The following NBPF20 variants were observed in gnomAD, a reference collection of about 807,000 sequenced individuals.
NBPF20 encodes the protein NBPF member 20.
NBPF20 carries 90 observed loss-of-function variants against 68.1 expected under a neutral mutation model. The ratio of observed to expected loss-of-function variants is 1.32; its 90% CI spans 1.11 to 1.58. The LOEUF is 1.58. Ranked by LOEUF, NBPF20 falls within the 40% of genes most tolerant of loss-of-function variation. The pLI, the probability that NBPF20 is intolerant of heterozygous loss-of-function variation, is 0.00. For synonymous variants in NBPF20, 290 were observed against 228.1 expected, an observed-to-expected ratio of 1.27 and a Z score of -2.45; for missense variants, 816 against 601.2, an observed-to-expected ratio of 1.36 and a Z score of -3.74.
chr1:145,405,174 C>T (rs1553666814), exon 2 of NBPF20: 1 of 1,613,412 alleles, frequency 6.2e-7, no homozygotes, highest in Non-Finnish European at 8.5e-7. Flanking sequence ...TTCCGAACTG[C>T]TGTTTGTTCT....
At chr1:145,403,001 A>G (rs1190600708) in intron 3 of NBPF20, among the ~76,000 whole-genome samples, 5 of 151,854 alleles carry the variant, frequency 3.3e-5, no homozygotes, top group Non-Finnish European at 5.9e-5. Context: ...TACTTGTTTG[A>G]AAAAGAGAAA....
At chr1:145,425,254 G>T in the NBPF20 span, among the ~76,000 whole-genome samples, 1 of 64,830 alleles carries the variant, frequency 1.5e-5, no homozygotes, top group Non-Finnish European at 2.9e-5. Flanking sequence ...CTCGCCCTCC[G>T]TCGCTCGCAA....
In NBPF20 at chr1:145,402,153, T is replaced by A; in HGVS notation, c.493+14A>T. The A allele has an allele frequency of 1.4e-6, 2 of 1,442,250 alleles. No homozygotes were observed. Among genetic ancestry groups the A allele is most frequent in the South Asian group, 2.3e-5 (2 of 87,780 alleles). The allele number at this position is 1,442,250 out of a possible 1,614,324, so 89.3% of individuals were successfully genotyped here. On this transcript the variant is annotated intron_variant, in intron 4 of 137. Transcript: ENST00000369373. ...CCTGGGATTTTGGGTCATCAGGGCC[T>A]ATGGCCACCTTACCTGGGCTGAGCT...
At chr1:145,341,490 C>T (rs1450921370) in intron 75 of NBPF20, 74 bp downstream of exon 80, 2 of 7,458 alleles carry the variant, frequency 2.7e-4, no homozygotes, top group East Asian at 3.2e-3. Context: ...ACATCAAACA[C>T]ACTCTGGTTT....
At chr1:145,394,135 T>C (rs1329225469) in intron 8 of NBPF20, among the ~76,000 whole-genome samples, 200 bp from the exon 14 acceptor site, 17 of 152,208 alleles carry the variant, frequency 1.1e-4, no homozygotes, top group African/African-American at 3.4e-4. Flanking sequence ...TTGGGCAAAA[T>C]TCCCCTGTGT....
chr1:145,410,146 TAA>T (rs1662951884), upstream of NBPF20, among the ~76,000 whole-genome samples: 1 of 151,996 alleles, frequency 6.6e-6, no homozygotes, highest in Non-Finnish European at 1.5e-5. Context: ...CCTACAAGTA[TAA>T]GACTTCCAAG....
At chr1:145,377,979 TC>T in intron 29 of NBPF20, 63 bp downstream of exon 34, 1 of 476,660 alleles carries the variant, frequency 2.1e-6, no homozygotes, top group Non-Finnish European at 3.6e-6. Context: ...ACTCTTGTTT[TC>T]CCTGGACCTG....
intron 6 of NBPF20, 131 bp downstream of exon 11, chr1:145,400,258 G>T (rs75582578): frequency 5.0e-6 from 8 of 1,584,558 alleles, no homozygotes; most frequent in East Asian, 2.2e-5. Context: ...GACAAAAAAA[G>T]TCCCTGATAT....
upstream of NBPF20, among the ~76,000 whole-genome samples, chr1:145,406,119 T>TAA (rs1368234516): frequency 5.6e-5 from 8 of 143,308 alleles, no homozygotes; most frequent in Non-Finnish European, 1.2e-4. Context: ...GTATTTTTAG[T>TAA]AGAGACGGGG....
upstream of NBPF20, among the ~76,000 whole-genome samples, chr1:145,407,463 G>T (rs1443512850): frequency 1.4e-5 from 2 of 143,052 alleles, no homozygotes; most frequent in Admixed American, 1.4e-4. Context: ...GTGTATACAC[G>T]TATATATAAT....
upstream of NBPF20, among the ~76,000 whole-genome samples, chr1:145,410,408 G>A (rs1478302832): frequency 6.0e-5 from 9 of 149,154 alleles, no homozygotes; most frequent in South Asian, 4.2e-4. Flanking sequence ...TCCGCCTCCC[G>A]GGTTCACGCC....
At chr1:145,406,126 G>T (rs1426033529), upstream of NBPF20, among the ~76,000 whole-genome samples, 2 of 142,284 alleles carry the variant, frequency 1.4e-5, no homozygotes, top group South Asian at 2.3e-4. Context: ...TAGTAGAGAC[G>T]GGGTTTCACT....
At chr1:145,402,335 A>T (rs1662562933) in exon 4 of NBPF20, 3 of 1,603,946 alleles carry the variant, frequency 1.9e-6, no homozygotes, top group South Asian at 2.2e-5. Flanking sequence ...TTCTCCCTTA[A>T]CTGGGTCAGC....
chr1:145,341,138 A>G (rs1661610012), intron 75 of NBPF20, among the ~76,000 whole-genome samples, 199 bp from the exon 81 acceptor site: 1 of 80,796 alleles, frequency 1.2e-5, no homozygotes, highest in African/African-American at 4.2e-5. Context: ...ACAGAGAGAG[A>G]GAGACAGAGA....
At chr1:145,291,933 G>A (rs1157849642) in intron 137 of NBPF20, among the ~76,000 whole-genome samples, 164 bp from the exon 143 acceptor site, 3 of 151,706 alleles carry the variant, frequency 2.0e-5, no homozygotes, top group Non-Finnish European at 4.4e-5. Context: ...GGATAGAACA[G>A]GGCCAGGTAG....
At chr1:145,419,452 A>G in the NBPF20 span, among the ~76,000 whole-genome samples, 2 of 152,056 alleles carry the variant, frequency 1.3e-5, no homozygotes, top group Non-Finnish European at 2.9e-5. Flanking sequence ...TGCCAGAGAC[A>G]CTGAGTCTTG....
At chr1:145,425,027 C>T in the NBPF20 span, among the ~76,000 whole-genome samples, 9 of 152,204 alleles carry the variant, frequency 5.9e-5, no homozygotes, top group African/African-American at 2.2e-4. Context: ...GGGTGGGGTG[C>T]GGGGTCAGGG....
At chr1:145,393,522 C>T (rs1415391828) in intron 9 of NBPF20, among the ~76,000 whole-genome samples, 2 of 152,018 alleles carry the variant, frequency 1.3e-5, no homozygotes, top group South Asian at 2.1e-4. Context: ...TCAGGTGACA[C>T]ACTGATGAGG....
At chr1:145,292,707 C>A (rs587712649) in intron 136 of NBPF20, among the ~76,000 whole-genome samples, 1 of 143,274 alleles carries the variant, frequency 7.0e-6, no homozygotes, top group Admixed American at 6.9e-5. Context: ...TCTAGTAGAT[C>A]GTTATCCCAA....
Sources: allele counts gnomAD v4.1 joint callset (sites outside exome capture counted in the v4.1 genomes callset), GRCh38; gene constraint gnomAD v4.1.1; transcripts MANE v1.5; gene names NCBI Gene and HGNC (gene_info 2026-07-23, HGNC 2026-07-21).